JAKMIP3: variants seen among roughly 807,000 people sequenced by gnomAD.
The protein encoded by JAKMIP3 is janus kinase and microtubule-interacting protein 3.
A neutral mutation model predicts 118.5 loss-of-function variants in JAKMIP3; 58 were observed. That is an observed-to-expected ratio of 0.49 (90% confidence interval 0.40 to 0.61). JAKMIP3 has a LOEUF of 0.61. Among genes scored for constraint, JAKMIP3 ranks in the 20% least tolerant of loss-of-function variants. JAKMIP3 has a pLI of 0.00. For missense variants in JAKMIP3, 950 were observed against 1,109.0 expected, an observed-to-expected ratio of 0.86 and a Z score of 2.04; for synonymous variants, 486 against 451.2, an observed-to-expected ratio of 1.08 and a Z score of -0.98.
In JAKMIP3 at chr10:132,104,842, G is replaced by T. The variant is rs940892992; in HGVS notation, c.34G>T (p.Gly12Trp). ...GAGGGGCATGAGCAGCCGGGCCAAG[G>T]GGGACAAGGCAGAGGCCCTCGCGGC... Reference protein sequence around the residue: ...SKRGMSSRAKGDKAEALAALQ... With the variant: ...SKRGMSSRAKWDKAEALAALQ... The change falls in exon 2 of 24, where the codon GGG becomes TGG. Residue 12 changes from glycine (G) to tryptophan (W), a missense_variant. By Grantham distance (184) the Gly-to-Trp change is radical. Transcript: ENST00000684848. 1 of 1,554,590 alleles carries T rather than the reference G, an allele frequency of 6.4e-7. No individual in the cohort carries two copies. The highest frequency in any genetic ancestry group is 1.4e-5 in the African/African-American group (1 of 73,282).
chr10:132,126,020 G>T (rs141661471), intron 3 of JAKMIP3, among the ~76,000 whole-genome samples: 2 of 152,116 alleles, frequency 1.3e-5, no homozygotes, highest in Admixed American at 6.5e-5. Flanking sequence ...CCCGCCTCAC[G>T]TCCCAAAGTG....
In JAKMIP3 at chr10:132,168,065, C is replaced by A. The variant is rs932453428; in HGVS notation, c.*135C>A. 2.3e-6 allele frequency: 3 copies of A among 1,289,460 alleles called. No homozygotes were observed. The highest frequency in any genetic ancestry group is 3.0e-5 in the African/African-American group (2 of 65,868). 79.9% of individuals were successfully genotyped at this position (1,289,460 alleles called of 1,614,324 possible). A position where few individuals can be genotyped will look rare whatever the true frequency, so the allele number is the denominator to read the frequency against. ...GGAGATTTGGTCTCTGCACGCCCGT[C>A]CCGTGGAGGAAGAGTGAGAAGGGGC... On this transcript the variant is annotated 3_prime_UTR_variant, in exon 23 of 24. Coordinates refer to ENST00000684848, the MANE Select transcript of JAKMIP3 (RefSeq NM_001323087.2).
In JAKMIP3 at chr10:132,133,464, C is replaced by A; in HGVS notation, c.786C>A (p.Ser262Arg). The A allele has an allele frequency of 6.3e-7, 1 of 1,584,458 alleles. No individual in the cohort carries two copies. The highest frequency in any genetic ancestry group is 8.6e-7 in the Non-Finnish European group (1 of 1,165,896). The change falls in exon 4 of 24, where the codon AGC (serine) becomes AGA (arginine). Residue 262 changes from serine to arginine, a missense_variant. Physicochemically the swap from Ser to Arg is moderately radical, Grantham distance 110 (BLOSUM62 -1). Coordinates refer to ENST00000684848, the MANE Select transcript of JAKMIP3 (RefSeq NM_001323087.2). ...QVREADRHPG[S>R]PRRELPHAAG... is the part of the protein sequence containing the mutation. Reference sequence around the variant, plus strand: ...GAGAGGCCGACCGGCACCCGGGCAGCCCCAGACGGGAACTTCCTCATGCAG... The same window carrying A: ...GAGAGGCCGACCGGCACCCGGGCAGACCCAGACGGGAACTTCCTCATGCAG...
intron 1 of JAKMIP3, among the ~76,000 whole-genome samples, chr10:132,042,216 T>TTCC (rs1257478085): frequency 6.6e-6 from 1 of 151,072 alleles, no homozygotes; most frequent in African/African-American, 2.4e-5. Context: ...CCTTCCTTCC[T>TTCC]TCTTTCCTCC....
At chr10:132,053,930 G>A (rs550752172) in intron 1 of JAKMIP3, among the ~76,000 whole-genome samples, 2 of 151,906 alleles carry the variant, frequency 1.3e-5, no homozygotes, top group South Asian at 2.1e-4. Flanking sequence ...CCAGCTACTC[G>A]GGTGGGGGCT....
intron 1 of JAKMIP3, among the ~76,000 whole-genome samples, chr10:132,093,155 C>T (rs576696551): frequency 2.2e-4 from 34 of 152,146 alleles, no homozygotes; most frequent in Non-Finnish European, 4.0e-4. Context: ...GGTGCCCGGC[C>T]GTGTGAGGTG....
upstream of JAKMIP3, among the ~76,000 whole-genome samples, chr10:132,063,972 T>A (rs996225572): frequency 6.6e-6 from 1 of 152,218 alleles, no homozygotes; most frequent in Non-Finnish European, 1.5e-5. Context: ...CACACTTTTT[T>A]AAACAGAAAT....
Position 132,117,124 on chromosome 10 carries a change from C to G in JAKMIP3, c.183C>G (p.Arg61=). The G allele has an allele frequency of 1.2e-6, 2 of 1,612,962 alleles. No individual in the cohort carries two copies. Among genetic ancestry groups the G allele is most frequent in the Non-Finnish European group, 1.7e-6 (2 of 1,179,340 alleles). ...REKNQELRQV[R]EHEQHKTAVL... ...AGAACCAGGAGCTGCGGCAGGTGCG[C>G]GAGCATGAGCAGCATAAGACCGCGG... The change falls in exon 3 of 24, where the codon CGC becomes CGG. Residue 61 remains arginine (R), a synonymous_variant. Transcript: ENST00000684848. The surrounding 1 kb of genome is among the most constrained non-coding windows in gnomAD (Gnocchi z 8.6).
chr10:132,080,343 G>C (rs1194587397), intron 1 of JAKMIP3, among the ~76,000 whole-genome samples: 1 of 152,040 alleles, frequency 6.6e-6, no homozygotes, highest in African/African-American at 2.4e-5. Context: ...AGGTGGCGTT[G>C]CATAGTGGTT....
chr10:132,145,569 C>G lies in JAKMIP3; in HGVS notation c.1738C>G (p.Leu580Val). The G allele has an allele frequency of 6.4e-7, 1 of 1,563,808 alleles. No individual in the cohort carries two copies. Among genetic ancestry groups the G allele is most frequent in the Non-Finnish European group, 8.7e-7 (1 of 1,154,168 alleles). Residue 580 changes from leucine (L) to valine (V), a missense_variant, in exon 13 of 24, where the codon CTT becomes GTT. Coordinates refer to ENST00000684848, the MANE Select transcript of JAKMIP3 (RefSeq NM_001323087.2). ...GGCACTGTACCGGAGAAATCAAGAG[C>G]TTGTGGAAAAGGTGAGCCCCGAACC... Reference protein sequence around the residue: ...KQALYRRNQELVEKIKQMETE... With the variant: ...KQALYRRNQEVVEKIKQMETE...
chr10:132,136,134 T>C, intron 6 of JAKMIP3, 58 bp downstream of exon 6: 1 of 1,559,746 alleles, frequency 6.4e-7, no homozygotes, highest in African/African-American at 1.4e-5. Context: ...AGGCAGCATC[T>C]CCTCCCTTCT....
chr10:132,163,626 C>T (rs933274070), intron 20 of JAKMIP3, among the ~76,000 whole-genome samples: 3 of 147,678 alleles, frequency 2.0e-5, no homozygotes, highest in South Asian at 2.1e-4. Context: ...CTTGGATGGC[C>T]ACACCTTCTG....
chr10:132,138,070 G>A (rs568437641), intron 8 of JAKMIP3, 49 bp from the exon 9 acceptor site: 54 of 1,551,634 alleles, frequency 3.5e-5, no homozygotes, highest in East Asian at 4.6e-5. Context: ...GACTGAAACC[G>A]GTGGAGCTGC....
intron 16 of JAKMIP3, among the ~76,000 whole-genome samples, chr10:132,150,331 GGGGGCT>G (rs1564967418): frequency 5.9e-5 from 9 of 152,170 alleles, no homozygotes; most frequent in Non-Finnish European, 1.2e-4. Flanking sequence ...CATGAGGATA[GGGGGCT>G]GTTGCTCTTA....
intron 23 of JAKMIP3, among the ~76,000 whole-genome samples, chr10:132,173,523 A>G (rs2059829444): frequency 6.6e-6 from 1 of 151,966 alleles, no homozygotes; most frequent in Admixed American, 6.6e-5. Flanking sequence ...CTGTTTTCCA[A>G]ACAACTCAGG....
At position 132,044,411 on chromosome 10, in the gene JAKMIP3, A is replaced by G. The variant is rs1023067074; in HGVS notation, c.-138+7673A>G. On this transcript the variant is annotated intron_variant, in intron 1 of 23. Transcript: ENST00000657785. The surrounding 1 kb of genome is among the most constrained non-coding windows in gnomAD (Gnocchi z 5.3). ...CCACTGCCACCAACGAGTTGTCACA[A>G]TTCTGCAAGAGCTCGTGACGGGAGC... Among the ~76,000 whole-genome samples the G allele has an allele frequency of 8.5e-5, 13 of 152,178 alleles. No homozygotes were observed. Among genetic ancestry groups the G allele is most frequent in the East Asian group, 1.9e-4 (1 of 5,186 alleles).
chr10:132,106,621 T>TAGCACCTGCTCTGTGCCAGGCGCCC (rs1252753846), intron 2 of JAKMIP3, among the ~76,000 whole-genome samples: 1 of 152,206 alleles, frequency 6.6e-6, no homozygotes, highest in East Asian at 1.9e-4. Context: ...AATGTGCGTC[T>TAGCACCTGCTCTGTGCCAGGCGCCC]AGCACCTGCT....
At chr10:132,067,436 G>A (rs556309927) in intron 1 of JAKMIP3, among the ~76,000 whole-genome samples, 28 of 152,294 alleles carry the variant, frequency 1.8e-4, no homozygotes, top group African/African-American at 6.5e-4. Context: ...TACTACTTTA[G>A]GTCCTAACTA....
chr10:132,155,129 G>GAT (rs977936745), intron 19 of JAKMIP3, among the ~76,000 whole-genome samples: 2 of 146,528 alleles, frequency 1.4e-5, no homozygotes, highest in African/African-American at 5.1e-5. Flanking sequence ...TGATGATGGT[G>GAT]ATGGTGGTGA....
Sources: gnomAD v4.1 joint callset for allele counts (sites outside exome capture counted in the v4.1 genomes callset) on GRCh38, gnomAD v4.1.1 for gene constraint, Gnocchi (gnomAD v3.1) non-coding constraint, MANE v1.5 for transcripts, NCBI Gene and HGNC (gene_info 2026-07-23, HGNC 2026-07-21) for gene names.